CADPS2: variants seen among roughly 807,000 people sequenced by gnomAD.
CADPS2 encodes the protein calcium-dependent secretion activator 2.
A neutral mutation model predicts 172.5 loss-of-function variants in CADPS2; 93 were observed. The observed-to-expected ratio is 0.54, with a 90% CI of 0.46 to 0.64. CADPS2 has a LOEUF of 0.64. CADPS2 is among the 30% of genes least tolerant of loss of function. The pLI is 0.00. For missense variants in CADPS2, 1,420 were observed against 1,565.9 expected (o/e 0.91, Z 1.57); for synonymous variants, 546 against 555.2 (o/e 0.98, Z 0.23).
intron 3 of CADPS2, among the ~76,000 whole-genome samples, chr7:122,653,492 C>T (rs1299113542): frequency 6.6e-6 from 1 of 152,158 alleles, no homozygotes; most frequent in Non-Finnish European, 1.5e-5. Flanking sequence ...ATTTCTATTG[C>T]TTTGCCTTAT....
chr7:122,821,387 T>C (rs1273820961), intron 1 of CADPS2, among the ~76,000 whole-genome samples: 1 of 152,200 alleles, frequency 6.6e-6, no homozygotes, highest in African/African-American at 2.4e-5. Context: ...TTCCATCTGC[T>C]ATTCTACTAC....
At chr7:122,704,629 A>G (rs1162539606) in intron 2 of CADPS2, among the ~76,000 whole-genome samples, 1 of 152,082 alleles carries the variant, frequency 6.6e-6, no homozygotes, top group African/African-American at 2.4e-5. Flanking sequence ...GAAAGGACCA[A>G]TTTGAGGAAC....
chr7:122,832,621 T>A (rs1345246927), intron 1 of CADPS2, among the ~76,000 whole-genome samples: 1 of 152,188 alleles, frequency 6.6e-6, no homozygotes, highest in African/African-American at 2.4e-5. Context: ...ATGGCAGTAA[T>A]GTTGTCTGGC....
At chr7:122,882,844 A>G (rs1362782804) in intron 1 of CADPS2, among the ~76,000 whole-genome samples, 1 of 152,134 alleles carries the variant, frequency 6.6e-6, no homozygotes, top group African/African-American at 2.4e-5. Context: ...CTCAAGCACT[A>G]TCACTACTGA....
rs1425600464 is a variant in CADPS2 at position 122,705,761 on chromosome 7, A to C, written c.453+31194T>G. 7.3e-4 allele frequency among the ~76,000 whole-genome samples: 3 copies of C among 4,096 alleles called. 1 individual carries two copies. The highest frequency in any genetic ancestry group is 1.6e-3 in the African/African-American group (3 of 1,854). The allele number at this position is 4,096 out of a possible 152,430, so 2.7% of individuals were successfully genotyped here. A position where few individuals can be genotyped will look rare whatever the true frequency, so the allele number is the denominator to read the frequency against. On this transcript the variant is annotated intron_variant, in intron 2 of 29. Coordinates refer to ENST00000449022, the MANE Select transcript of CADPS2 (RefSeq NM_017954.11). ...ATAATATATAATATATATAATATAT[A>C]ATATATGATATATTATATAATATAT...
chr7:122,463,231 A>G (rs188503729), intron 14 of CADPS2, among the ~76,000 whole-genome samples: 49 of 152,362 alleles, frequency 3.2e-4, no homozygotes, highest in Admixed American at 3.2e-3. Context: ...GTGATAAAGA[A>G]TTGGTATCAC....
rs539586926 is a variant in CADPS2 at position 122,752,293 on chromosome 7, T to C, written c.340-15225A>G. ...AGATATCTACTTACATTTTAAATTATAGAATAACTCAAAATTATCTCTATA... is the reference window on the plus strand; with the variant it reads ...AGATATCTACTTACATTTTAAATTACAGAATAACTCAAAATTATCTCTATA... On this transcript the variant is annotated intron_variant, in intron 1 of 29. Transcript: ENST00000449022. Among the ~76,000 whole-genome samples the C allele has an allele frequency of 2.4e-4, 37 of 152,264 alleles. No individual in the cohort carries two copies. The South Asian group carries it at 4.3e-3, about 18-fold the overall frequency.
In CADPS2 at chr7:122,723,905, A is replaced by G. The variant is rs182123541; in HGVS notation, c.453+13050T>C. 7.3e-3 allele frequency among the ~76,000 whole-genome samples: 1,111 copies of G among 152,126 alleles called. 9 individuals are homozygous for G. Among genetic ancestry groups the G allele is most frequent in the African/African-American group, 0.025 (1,037 of 41,514 alleles). On this transcript the variant is annotated intron_variant, in intron 2 of 29. Coordinates refer to ENST00000449022, the MANE Select transcript of CADPS2 (RefSeq NM_017954.11). The stretch of plus-strand genomic sequence containing the variant: ...GACATGGATGAAGCTGGAAACCATC[A>G]TTCTCAGCAAACTGTCACAAGGACA...
chr7:122,593,374 G>A (rs1281445756), intron 6 of CADPS2, among the ~76,000 whole-genome samples: 1 of 151,888 alleles, frequency 6.6e-6, no homozygotes, highest in African/African-American at 2.4e-5. Flanking sequence ...GCCCACAGCC[G>A]AGTACAATGG....
chr7:122,636,719 G>A (rs1044268518), intron 3 of CADPS2, among the ~76,000 whole-genome samples: 5 of 152,106 alleles, frequency 3.3e-5, no homozygotes, highest in Admixed American at 6.6e-5. Context: ...GCCTGCCTCG[G>A]TATCCCAAAG....
At chr7:122,846,028 TATG>T (rs1192173921) in intron 1 of CADPS2, among the ~76,000 whole-genome samples, 3 of 152,054 alleles carry the variant, frequency 2.0e-5, no homozygotes, top group Non-Finnish European at 4.4e-5. Flanking sequence ...AGTAAGAAAA[TATG>T]ATGAGTTCTG....
chr7:122,705,693 T>A (rs1465519625), intron 2 of CADPS2, among the ~76,000 whole-genome samples: 2 of 62,378 alleles, frequency 3.2e-5, no homozygotes, highest in African/African-American at 1.3e-4. Context: ...TATCACATAT[T>A]ATATATAATA....
chr7:122,445,003 G>A (rs190345328), intron 15 of CADPS2, among the ~76,000 whole-genome samples: 130 of 152,076 alleles, frequency 8.5e-4, no homozygotes, highest in African/African-American at 3.0e-3. Flanking sequence ...AGCATCTGTC[G>A]GAAAAAAGTA....
chr7:122,515,724 T>C (rs1203187110), intron 8 of CADPS2, among the ~76,000 whole-genome samples: 1 of 152,022 alleles, frequency 6.6e-6, no homozygotes, highest in African/African-American at 2.4e-5. Context: ...ACAGTGAAGG[T>C]CCTGCATAAA....
chr7:122,849,802 A>C, intron 1 of CADPS2: 1 of 523,366 alleles, frequency 1.9e-6, no homozygotes, highest in Non-Finnish European at 3.8e-6. Flanking sequence ...CTCCCTTTAC[A>C]TCATCCCTCA....
chr7:122,513,933 C>T (rs1056480885), intron 8 of CADPS2, among the ~76,000 whole-genome samples: 5 of 152,142 alleles, frequency 3.3e-5, no homozygotes, highest in South Asian at 2.1e-4. Context: ...CTGATAGTAA[C>T]GAAGATGCCA....
At chr7:122,819,435 G>A (rs1383115176) in intron 1 of CADPS2, among the ~76,000 whole-genome samples, 3 of 152,024 alleles carry the variant, frequency 2.0e-5, no homozygotes, top group Non-Finnish European at 4.4e-5. Context: ...AGACCATCAC[G>A]GACGCCAAGC....
chr7:122,486,652 T>C lies in CADPS2; in HGVS notation c.1852+3429A>G, dbSNP rs142834864. On this transcript the variant is annotated intron_variant, in intron 11 of 29. Transcript: ENST00000449022. ...TAGGATATTACATAAACTTAGTTCG[T>C]AAAGCAGAGGTAAAGTTTTAGAGGA... Among the ~76,000 whole-genome samples the C allele has an allele frequency of 4.4e-3, 671 of 152,290 alleles. 3 individuals carry two copies. The highest frequency in any genetic ancestry group is 0.015 in the African/African-American group (620 of 41,562).
chr7:122,432,402 G>A (rs2050052210), intron 17 of CADPS2, among the ~76,000 whole-genome samples: 1 of 152,088 alleles, frequency 6.6e-6, no homozygotes, highest in East Asian at 1.9e-4. Context: ...CACTTTGGGA[G>A]GCTGAGGCTG....
Sources: gnomAD v4.1 joint callset for allele counts (sites outside exome capture counted in the v4.1 genomes callset) on GRCh38, gnomAD v4.1.1 for gene constraint, MANE v1.5 for transcripts, NCBI Gene and HGNC (gene_info 2026-07-23, HGNC 2026-07-21) for gene names.